DENND1A: variants seen among roughly 807,000 people sequenced by gnomAD.
The protein encoded by DENND1A is DENN domain-containing protein 1A.
DENND1A carries 51 observed loss-of-function variants against 113.7 expected under a neutral mutation model. That is an observed-to-expected ratio of 0.45 (90% CI 0.36 to 0.57). The LOEUF is 0.57. DENND1A is among the 20% of genes least tolerant of loss of function. The pLI is 0.00. For synonymous variants in DENND1A, 565 were observed against 570.8 expected (o/e 0.99, Z 0.14); for missense variants, 1,258 against 1,395.9 (o/e 0.90, Z 1.57).
chr9:123,466,187 T>TG (rs1476567159), intron 13 of DENND1A, among the ~76,000 whole-genome samples: 3 of 151,540 alleles, frequency 2.0e-5, no homozygotes, highest in African/African-American at 7.3e-5. Context: ...TCAGTAGAGG[T>TG]GAGGTTTCAC....
At chr9:123,885,213 T>C (rs1233887993) in intron 1 of DENND1A, among the ~76,000 whole-genome samples, 6 of 152,220 alleles carry the variant, frequency 3.9e-5, no homozygotes, top group Non-Finnish European at 8.8e-5. Context: ...CCAGTCTATA[T>C]CGCAGACCAA....
intron 13 of DENND1A, among the ~76,000 whole-genome samples, chr9:123,466,978 G>A (rs1453455991): frequency 6.6e-6 from 1 of 151,960 alleles, no homozygotes; most frequent in African/African-American, 2.4e-5. Flanking sequence ...TCGAGCCCAG[G>A]GCGTCAAGCC....
At chr9:123,684,907 G>T (rs2064712741) in intron 5 of DENND1A, among the ~76,000 whole-genome samples, 1 of 152,274 alleles carries the variant, frequency 6.6e-6, no homozygotes, top group African/African-American at 2.4e-5. Context: ...GCAGCACTGG[G>T]TCAGTGCTTT....
At chr9:123,402,015 G>C in intron 21 of DENND1A, 1 of 1,492,446 alleles carries the variant, frequency 6.7e-7, no homozygotes, top group Non-Finnish European at 9.2e-7. Flanking sequence ...GTTTTAAAGA[G>C]GGGACTTCAA....
At chr9:123,591,739 GC>G (rs1423420866) in intron 11 of DENND1A, among the ~76,000 whole-genome samples, 2 of 152,246 alleles carry the variant, frequency 1.3e-5, no homozygotes, top group Admixed American at 1.3e-4. Flanking sequence ...TGGGAGGTCT[GC>G]CTGGCAGCAG....
At chr9:123,512,193 C>T (rs1048711877) in intron 13 of DENND1A, among the ~76,000 whole-genome samples, 3 of 152,214 alleles carry the variant, frequency 2.0e-5, no homozygotes, top group Non-Finnish European at 4.4e-5. Context: ...CATGCTGCAG[C>T]GGAAATATCA....
chr9:123,669,127 T>C (rs2063634633), intron 7 of DENND1A, among the ~76,000 whole-genome samples: 1 of 152,176 alleles, frequency 6.6e-6, no homozygotes, highest in African/African-American at 2.4e-5. Context: ...GAACTGCTAG[T>C]TCATATTACT....
intron 15 of DENND1A, among the ~76,000 whole-genome samples, chr9:123,455,030 C>T (rs2048012456): frequency 6.6e-6 from 1 of 152,222 alleles, no homozygotes; most frequent in African/African-American, 2.4e-5. Flanking sequence ...CCATGTTGGC[C>T]AGGCTGGTCT....
At chr9:123,774,818 A>C (rs1242013225) in intron 3 of DENND1A, among the ~76,000 whole-genome samples, 5 of 152,190 alleles carry the variant, frequency 3.3e-5, no homozygotes, top group Non-Finnish European at 7.4e-5. Context: ...AAAGATAAAT[A>C]TAATAAATTC....
intron 13 of DENND1A, among the ~76,000 whole-genome samples, chr9:123,496,729 A>T (rs1390849157): frequency 6.6e-6 from 1 of 152,080 alleles, no homozygotes; most frequent in African/African-American, 2.4e-5. Context: ...TGCATTCAGG[A>T]CTGTGATAAA....
chr9:123,871,039 G>T (rs1191351327), intron 2 of DENND1A, among the ~76,000 whole-genome samples: 1 of 151,754 alleles, frequency 6.6e-6, no homozygotes, highest in African/African-American at 2.4e-5. Context: ...TCTCAAAAGA[G>T]CTCCCCCCGC....
At chr9:123,733,525 G>A (rs1033573837) in intron 5 of DENND1A, among the ~76,000 whole-genome samples, 4 of 151,060 alleles carry the variant, frequency 2.6e-5, no homozygotes, top group African/African-American at 4.9e-5. Context: ...GGCCTCAAGC[G>A]ATCCTCCCAC....
intron 13 of DENND1A, among the ~76,000 whole-genome samples, chr9:123,553,346 G>A (rs1026020996): frequency 2.0e-5 from 3 of 151,834 alleles, no homozygotes; most frequent in African/African-American, 7.3e-5. Context: ...TCAGATCACA[G>A]GAACTTGACA....
chr9:123,415,841 G>A (rs1353551253), intron 19 of DENND1A, among the ~76,000 whole-genome samples: 1 of 152,182 alleles, frequency 6.6e-6, no homozygotes, highest in South Asian at 2.1e-4. Context: ...AGGGCGTGGT[G>A]GGGCCATCGG....
chr9:123,423,408 G>A (rs1023636546), intron 19 of DENND1A, among the ~76,000 whole-genome samples: 5 of 152,164 alleles, frequency 3.3e-5, no homozygotes, highest in Admixed American at 3.3e-4. Context: ...CTTGGCGGTA[G>A]ACCTTAAGAC....
intron 11 of DENND1A, among the ~76,000 whole-genome samples, chr9:123,591,757 A>G (rs1448387482): frequency 2.0e-5 from 3 of 152,248 alleles, no homozygotes; most frequent in South Asian, 2.1e-4. Flanking sequence ...GCAGATGTCA[A>G]TGTAAGCCCG....
chr9:123,771,113 A>G (rs1829658229), intron 3 of DENND1A, among the ~76,000 whole-genome samples: 1 of 152,230 alleles, frequency 6.6e-6, no homozygotes, highest in Non-Finnish European at 1.5e-5. Flanking sequence ...ACACCTCAGC[A>G]TATCCTAAGA....
At chr9:123,432,266 G>C (rs565473249) in intron 19 of DENND1A, among the ~76,000 whole-genome samples, 26 of 152,334 alleles carry the variant, frequency 1.7e-4, no homozygotes, top group African/African-American at 6.0e-4. Context: ...GCAAACCCCA[G>C]CCTTGTTAAC....
chr9:123,733,139 A>G (rs2068300797), intron 5 of DENND1A, among the ~76,000 whole-genome samples: 1 of 151,792 alleles, frequency 6.6e-6, no homozygotes, highest in Non-Finnish European at 1.5e-5. Context: ...ACGCCACCAC[A>G]CTCGGCTAAT....
Sources: gnomAD v4.1 joint callset for allele counts (sites outside exome capture counted in the v4.1 genomes callset) on GRCh38, gnomAD v4.1.1 for gene constraint, MANE v1.5 for transcripts, NCBI Gene and HGNC (gene_info 2026-07-23, HGNC 2026-07-21) for gene names.